TAFA1: variants seen among roughly 807,000 people sequenced by gnomAD.
TAFA1 encodes TAFA chemokine like family member 1.
Under a neutral mutation model 18.5 loss-of-function variants are expected in TAFA1, and 4 were observed. The observed-to-expected ratio is 0.22, with a 90% CI of 0.11 to 0.49. The LOEUF (loss-of-function observed/expected upper bound fraction) is 0.49, where lower values mean the gene tolerates loss of function less well. Among genes scored for constraint, TAFA1 ranks in the 20% least tolerant of loss-of-function variants. TAFA1 has a pLI of 0.98. For synonymous variants in TAFA1, 56 were observed against 55.2 expected (o/e 1.01, Z -0.06); for missense variants, 147 against 169.0 (o/e 0.87, Z 0.72).
intron 2 of TAFA1, among the ~76,000 whole-genome samples, chr3:68,056,454 C>T (rs1441364440): frequency 6.6e-6 from 1 of 152,122 alleles, no homozygotes; most frequent in African/African-American, 2.4e-5. Context: ...GGTGGTCACC[C>T]AAGTTTCAAC....
At chr3:68,127,822 A>G (rs1381053912) in intron 2 of TAFA1, among the ~76,000 whole-genome samples, 27 of 107,270 alleles carry the variant, frequency 2.5e-4, no homozygotes, top group African/African-American at 3.6e-4. Context: ...GGTGGTGGTG[A>G]TGGTGGTGGT....
chr3:68,530,684 C>T (rs1276303489), intron 3 of TAFA1, among the ~76,000 whole-genome samples: 1 of 152,050 alleles, frequency 6.6e-6, no homozygotes, highest in Non-Finnish European at 1.5e-5. Flanking sequence ...TCACAAGTTT[C>T]TCATGGCTTC....
chr3:68,173,081 G>T (rs575462016), intron 2 of TAFA1, among the ~76,000 whole-genome samples: 2 of 151,930 alleles, frequency 1.3e-5, no homozygotes, highest in South Asian at 4.2e-4. Flanking sequence ...TATAGTCCTT[G>T]AGCTCAGTAC....
At chr3:68,362,749 A>G (rs952469971) in intron 2 of TAFA1, among the ~76,000 whole-genome samples, 21 of 152,094 alleles carry the variant, frequency 1.4e-4, no homozygotes, top group African/African-American at 5.1e-4. Flanking sequence ...ACCAAAAATC[A>G]GGGAGACAAG....
At chr3:68,439,424 T>TATATATACATACATAC (rs2071330370) in intron 3 of TAFA1, among the ~76,000 whole-genome samples, 1 of 129,346 alleles carries the variant, frequency 7.7e-6, no homozygotes, top group African/African-American at 2.9e-5. Context: ...TATATATATA[T>TATATATACATACATAC]ATATATATAT....
intron 3 of TAFA1, among the ~76,000 whole-genome samples, chr3:68,496,773 C>T (rs539921663): frequency 6.6e-6 from 1 of 152,144 alleles, no homozygotes; most frequent in African/African-American, 2.4e-5. Flanking sequence ...AGTTCCTTAA[C>T]CCTTCTGTGT....
the TAFA1 span, among the ~76,000 whole-genome samples, chr3:67,998,376 A>ATTAT: frequency 6.6e-6 from 1 of 152,108 alleles, no homozygotes; most frequent in Non-Finnish European, 1.5e-5. Context: ...TTTTCCCATT[A>ATTAT]TTATCCTAAT....
chr3:68,399,549 C>T (rs1016383015), intron 2 of TAFA1, among the ~76,000 whole-genome samples: 4 of 152,030 alleles, frequency 2.6e-5, no homozygotes, highest in African/African-American at 9.7e-5. Context: ...CCCAATTGCT[C>T]TCAGTAAATT....
intron 3 of TAFA1, among the ~76,000 whole-genome samples, chr3:68,512,677 G>T (rs998434497): frequency 9.1e-6 from 1 of 110,036 alleles, no homozygotes; most frequent in Non-Finnish European, 1.8e-5. Context: ...TTTTTTGCTG[G>T]TTTTTTGTTT....
chr3:68,021,087 G>A lies in TAFA1; in HGVS notation c.118+14343G>A, dbSNP rs1157530855. 4.9e-5 allele frequency among the ~76,000 whole-genome samples: 7 copies of A among 143,716 alleles called. No homozygotes were observed. The Admixed American group carries it at 5.2e-4, about 11-fold the overall frequency. The allele number at this position is 143,716 out of a possible 152,430, so 94.3% of individuals were successfully genotyped here. The stretch of plus-strand genomic sequence containing the variant: ...TGTAATCCCAGCTACTCGGAAGGCT[G>A]AGATGAGAGAATTGCTTGAACCTGG... On this transcript the variant is annotated intron_variant, in intron 2 of 4. Coordinates refer to ENST00000478136, the MANE Select transcript of TAFA1 (RefSeq NM_213609.4).
At chr3:68,210,920 C>T (rs1450651249) in intron 2 of TAFA1, among the ~76,000 whole-genome samples, 2 of 151,952 alleles carry the variant, frequency 1.3e-5, no homozygotes, top group Non-Finnish European at 2.9e-5. Flanking sequence ...TGGCTACAGG[C>T]ATCTGTAAGC....
chr3:68,384,565 G>A (rs965019956), intron 2 of TAFA1, among the ~76,000 whole-genome samples: 1 of 152,084 alleles, frequency 6.6e-6, no homozygotes. Context: ...TGCATTTGCT[G>A]AAAAGTGTTT....
At chr3:68,184,323 C>T (rs1028909020) in intron 2 of TAFA1, among the ~76,000 whole-genome samples, 8 of 152,060 alleles carry the variant, frequency 5.3e-5, no homozygotes, top group African/African-American at 1.9e-4. Context: ...CTAAGTCCTA[C>T]CTGAAAGCAA....
intron 3 of TAFA1, among the ~76,000 whole-genome samples, chr3:68,433,679 TCC>T (rs2071221584): frequency 2.0e-5 from 3 of 152,236 alleles, no homozygotes; most frequent in African/African-American, 7.2e-5. Flanking sequence ...GGATTTATGT[TCC>T]AATTCCAGCT....
At chr3:68,186,698 G>T (rs763617247) in intron 2 of TAFA1, among the ~76,000 whole-genome samples, 1 of 151,976 alleles carries the variant, frequency 6.6e-6, no homozygotes, top group Non-Finnish European at 1.5e-5. Flanking sequence ...GACCCAACCT[G>T]CCTGGGCTTT....
At chr3:68,442,044 T>C (rs1218919086) in intron 3 of TAFA1, among the ~76,000 whole-genome samples, 1 of 152,182 alleles carries the variant, frequency 6.6e-6, no homozygotes, top group Admixed American at 6.5e-5. Context: ...ATCCTGCTGC[T>C]CCAAATTCTT....
At chr3:68,451,916 C>G (rs1192421216) in intron 3 of TAFA1, among the ~76,000 whole-genome samples, 1 of 152,138 alleles carries the variant, frequency 6.6e-6, no homozygotes, top group East Asian at 1.9e-4. Context: ...TTTAATGTGA[C>G]AAGCAAGTTT....
At chr3:68,120,233 CTTTCT>C (rs1575627508) in intron 2 of TAFA1, among the ~76,000 whole-genome samples, 2 of 113,198 alleles carry the variant, frequency 1.8e-5, no homozygotes, top group East Asian at 4.7e-4. Context: ...TTCTTTCTTT[CTTTCT>C]TTCTTTCTTT....
chr3:68,539,678 T>TGTGTG lies in TAFA1; in HGVS notation c.384+799_384+800insTGTGG, dbSNP rs1444454763. Among the ~76,000 whole-genome samples the TGTGTG allele has an allele frequency of 2.1e-4, 3 of 14,414 alleles. 1 individual carries two copies. The highest frequency in any genetic ancestry group is 3.8e-4 in the Non-Finnish European group (3 of 7,882). The allele number at this position is 14,414 out of a possible 152,430, so 9.5% of individuals were successfully genotyped here. ...CTTTGTCTCTCTCTGTGTGTGTGTG[T>TGTGTG]GGGGGGGCATGGGGTGGGTGGGTGG... On this transcript the variant is annotated intron_variant, in intron 4 of 4. Coordinates refer to ENST00000478136, the MANE Select transcript of TAFA1 (RefSeq NM_213609.4).
Sources: gnomAD v4.1 joint callset for allele counts (sites outside exome capture counted in the v4.1 genomes callset) on GRCh38, gnomAD v4.1.1 for gene constraint, MANE v1.5 for transcripts, NCBI Gene and HGNC (gene_info 2026-07-23, HGNC 2026-07-21) for gene names.